ARHGAP6: variants seen among roughly 807,000 people sequenced by gnomAD.
ARHGAP6 encodes rho GTPase-activating protein 6.
ARHGAP6 carries 16 observed loss-of-function variants against 55.7 expected under a neutral mutation model. The ratio of observed to expected loss-of-function variants is 0.29; its 90% CI spans 0.19 to 0.44. The LOEUF is 0.44. ARHGAP6 is among the 20% of genes least tolerant of loss of function. The probability of loss-of-function intolerance (pLI) is 1.00; values close to 1 mark genes in which losing one functional copy is unlikely to be tolerated. For missense variants in ARHGAP6, 698 were observed against 808.9 expected (o/e 0.86, Z 1.66); for synonymous variants, 382 against 360.9 (o/e 1.06, Z -0.66).
At chrX:11,260,651 T>C (rs2047548727) in intron 1 of ARHGAP6, among the ~76,000 whole-genome samples, 1 of 112,504 alleles carries the variant, frequency 8.9e-6, no homozygotes, top group African/African-American at 3.2e-5. Flanking sequence ...AAACAAATAT[T>C]CCAAAAATTT....
intron 1 of ARHGAP6, among the ~76,000 whole-genome samples, chrX:11,463,879 CT>C (rs1263409214): frequency 8.9e-6 from 1 of 112,117 alleles, no homozygotes; most frequent in Non-Finnish European, 1.9e-5. Context: ...AAGTCAACTG[CT>C]TCGTAGTTGG....
At chrX:11,502,294 T>C (rs886965694) in intron 1 of ARHGAP6, among the ~76,000 whole-genome samples, 1 of 112,389 alleles carries the variant, frequency 8.9e-6, no homozygotes, top group African/African-American at 3.2e-5. Context: ...TCTATGGAGT[T>C]ACAAGTTGGG....
At chrX:11,475,598 A>C (rs12848302) in intron 1 of ARHGAP6, among the ~76,000 whole-genome samples, 5 of 92,659 alleles carry the variant, frequency 5.4e-5, no homozygotes, top group African/African-American at 1.2e-4. Flanking sequence ...CACACACACA[A>C]ACACACACAC....
intron 1 of ARHGAP6, among the ~76,000 whole-genome samples, chrX:11,449,492 C>G (rs901262765): frequency 1.8e-5 from 2 of 112,142 alleles, no homozygotes; most frequent in Non-Finnish European, 3.8e-5. Flanking sequence ...TAGGCTCGAG[C>G]TCTAAAGTCA....
chrX:11,323,651 G>T (rs756575155), intron 1 of ARHGAP6, among the ~76,000 whole-genome samples: 1 of 111,207 alleles, frequency 9.0e-6, no homozygotes, highest in Non-Finnish European at 1.9e-5. Flanking sequence ...GATCACCTGA[G>T]GTCAGAAGTT....
intron 1 of ARHGAP6, among the ~76,000 whole-genome samples, chrX:11,614,402 G>A (rs1050486010): frequency 3.6e-5 from 4 of 111,856 alleles, no homozygotes; most frequent in African/African-American, 1.3e-4. Context: ...ATTCATGGAG[G>A]AAGGTGAAGA....
intron 1 of ARHGAP6, among the ~76,000 whole-genome samples, chrX:11,659,688 G>T (rs780548413): frequency 1.8e-5 from 2 of 111,603 alleles, no homozygotes; most frequent in Non-Finnish European, 3.8e-5. Context: ...CGAAAAGAGC[G>T]AGAGAGAGAA....
intron 1 of ARHGAP6, among the ~76,000 whole-genome samples, chrX:11,499,497 A>G (rs1466759688): frequency 8.9e-6 from 1 of 112,106 alleles, no homozygotes; most frequent in Non-Finnish European, 1.9e-5. Context: ...TTTCTTAAAC[A>G]AAATGGTGTC....
chrX:11,609,612 C>T (rs1283093204), intron 1 of ARHGAP6, among the ~76,000 whole-genome samples: 1 of 111,859 alleles, frequency 8.9e-6, no homozygotes, highest in Admixed American at 9.5e-5. Flanking sequence ...ATGGCAGGAC[C>T]TTGCAGTGGC....
intron 1 of ARHGAP6, among the ~76,000 whole-genome samples, chrX:11,388,313 A>C (rs967169095): frequency 9.1e-6 from 1 of 110,415 alleles, no homozygotes; most frequent in African/African-American, 3.3e-5. Flanking sequence ...AGTGATGATG[A>C]GCATTTTTTC....
rs1307291101 is a variant in ARHGAP6, at chrX:11,520,179, T to TA, written c.588+144061dup. Among the ~76,000 whole-genome samples, 35 of 40,060 alleles carry TA rather than the reference T, an allele frequency of 8.7e-4. 1 individual carries two copies. Among genetic ancestry groups the TA allele is most frequent in the Non-Finnish European group, 1.5e-3 (30 of 19,842 alleles). The allele number at this position is 40,060 out of a possible 115,157, so 34.8% of individuals were successfully genotyped here. A position where few individuals can be genotyped will look rare whatever the true frequency, so the allele number is the denominator to read the frequency against. On this transcript the variant is annotated intron_variant, in intron 1 of 12. Coordinates refer to ENST00000337414, the MANE Select transcript of ARHGAP6 (RefSeq NM_013427.3). ...TATATATATATATATATATATATAT[T>TA]ACTTTAAGTTCTAGGGTACATGTGC...
intron 1 of ARHGAP6, among the ~76,000 whole-genome samples, chrX:11,500,586 A>G (rs111630129): frequency 0.084 from 8,668 of 102,830 alleles, 493 homozygotes; most frequent in East Asian, 0.18. Context: ...GCTTGAACCT[A>G]GGAGGTGAAT....
intron 10 of ARHGAP6, among the ~76,000 whole-genome samples, chrX:11,147,377 C>A (rs1401381629): frequency 1.8e-5 from 2 of 112,593 alleles, no homozygotes; most frequent in Admixed American, 9.4e-5. Flanking sequence ...TTAGGTGATA[C>A]AATTGGAAGT....
chrX:11,507,832 A>C (rs2050749300), intron 1 of ARHGAP6, among the ~76,000 whole-genome samples: 1 of 112,046 alleles, frequency 8.9e-6, no homozygotes, highest in African/African-American at 3.2e-5. Context: ...AGCCCTTATT[A>C]TAGAGTAGAA....
At chrX:11,212,486 C>G (rs2046818306) in intron 2 of ARHGAP6, among the ~76,000 whole-genome samples, 1 of 112,275 alleles carries the variant, frequency 8.9e-6, no homozygotes, top group South Asian at 3.7e-4. Flanking sequence ...TTCAGAAGTC[C>G]TTTTCTTCTC....
At chrX:11,174,600 C>CT (rs1354856612) in intron 8 of ARHGAP6, among the ~76,000 whole-genome samples, 1 of 87,365 alleles carries the variant, frequency 1.1e-5, no homozygotes, top group African/African-American at 4.2e-5. Context: ...CTTTTTCTTT[C>CT]TTTCTTTCTT....
chrX:11,435,552 C>T (rs2049979823), intron 1 of ARHGAP6, among the ~76,000 whole-genome samples: 1 of 111,888 alleles, frequency 8.9e-6, no homozygotes, highest in Non-Finnish European at 1.9e-5. Context: ...CCTACTTGCA[C>T]AATTCCTTGC....
At chrX:11,598,112 A>G (rs750141893) in intron 1 of ARHGAP6, among the ~76,000 whole-genome samples, 3 of 111,514 alleles carry the variant, frequency 2.7e-5, no homozygotes, top group African/African-American at 9.8e-5. Flanking sequence ...AATGGAAGAC[A>G]TATCACTTGA....
intron 1 of ARHGAP6, among the ~76,000 whole-genome samples, chrX:11,599,813 G>A (rs1258256121): frequency 1.2e-4 from 13 of 111,727 alleles, no homozygotes; most frequent in South Asian, 3.7e-4. Context: ...TGTGAGGTGC[G>A]GATATGATCA....
Sources: allele counts gnomAD v4.1 joint callset (sites outside exome capture counted in the v4.1 genomes callset), GRCh38; gene constraint gnomAD v4.1.1; transcripts MANE v1.5; gene names NCBI Gene and HGNC (gene_info 2026-07-23, HGNC 2026-07-21).